The following PLAC9 variants were observed in gnomAD, a reference collection of about 807,000 sequenced individuals.
PLAC9 encodes placenta-specific protein 9.
Under a neutral mutation model 11.5 loss-of-function variants are expected in PLAC9, and 12 were observed. The observed-to-expected ratio is 1.05, with a 90% confidence interval of 0.67 to 1.69. PLAC9 has a LOEUF of 1.69. Ranked by LOEUF, PLAC9 falls within the 40% of genes most tolerant of loss-of-function variation. The pLI is 0.00. For synonymous variants in PLAC9, 62 were observed against 58.1 expected (o/e 1.07, Z -0.31); for missense variants, 132 against 130.5 (o/e 1.01, Z -0.06).
At chr10:80,143,273 G>T (rs1365400759) in intron 2 of PLAC9, among the ~76,000 whole-genome samples, 1 of 149,474 alleles carries the variant, frequency 6.7e-6, no homozygotes, top group Non-Finnish European at 1.5e-5. Flanking sequence ...CACCATGTTG[G>T]CCAGGCTAGT....
At chr10:80,132,728 G>A (rs1844926243), upstream of PLAC9, 1 of 1,439,470 alleles carries the variant, frequency 6.9e-7, no homozygotes, top group South Asian at 1.4e-5. Flanking sequence ...GCGGCTGCGG[G>A]CAGACGCGGC....
intron 2 of PLAC9, among the ~76,000 whole-genome samples, chr10:80,142,640 A>C (rs561372569): frequency 6.6e-6 from 1 of 152,282 alleles, no homozygotes; most frequent in Non-Finnish European, 1.5e-5. Flanking sequence ...CTCAACATAT[A>C]ATTTTTATCC....
intron 1 of PLAC9, among the ~76,000 whole-genome samples, chr10:80,133,074 A>T (rs1044884934): frequency 5.9e-5 from 9 of 152,190 alleles, no homozygotes; most frequent in South Asian, 2.1e-4. Context: ...GAAAAAGGAG[A>T]GGCTGAGACA....
rs375619882 is a variant in PLAC9 at position 80,135,269 on chromosome 10, G to A, written c.64+2443G>A. ...GATCTCCTGACCTTGTGATTTGCCCGCCTCGGCCTCCCAAAGTGCTGGGAT... is the reference window on the plus strand; with the variant it reads ...GATCTCCTGACCTTGTGATTTGCCCACCTCGGCCTCCCAAAGTGCTGGGAT... On this transcript the variant is annotated intron_variant, in intron 1 of 3. Coordinates refer to ENST00000372263, the MANE Select transcript of PLAC9 (RefSeq NM_001012973.3). 2.6e-4 allele frequency among the ~76,000 whole-genome samples: 39 copies of A among 147,856 alleles called. No homozygotes were observed. In the South Asian group the frequency reaches 6.2e-3, roughly 23 times the overall value.
intron 1 of PLAC9, among the ~76,000 whole-genome samples, chr10:80,140,229 A>C (rs970337953): frequency 7.9e-5 from 12 of 151,804 alleles, no homozygotes; most frequent in African/African-American, 2.7e-4. Context: ...TAAAAAAAAA[A>C]ATGACAACCA....
At chr10:80,140,201 TTG>T (rs2017265410) in intron 1 of PLAC9, among the ~76,000 whole-genome samples, 1 of 150,480 alleles carries the variant, frequency 6.6e-6, no homozygotes, top group Non-Finnish European at 1.5e-5. Context: ...GTAAGCATGA[TTG>T]TGTTTTCCAA....
intron 3 of PLAC9, among the ~76,000 whole-genome samples, chr10:80,144,581 T>C (rs373880332): frequency 1.5e-5 from 2 of 133,044 alleles, no homozygotes; most frequent in South Asian, 5.3e-4. Context: ...GAGCCGGCCC[T>C]AGATGCCATC....
chr10:80,143,413 TTTG>T (rs1290355253), intron 2 of PLAC9, among the ~76,000 whole-genome samples: 24 of 79,660 alleles, frequency 3.0e-4, no homozygotes, highest in Admixed American at 4.5e-4. Flanking sequence ...TTTTTTTTTT[TTTG>T]AGGCAGAGTC....
rs12261769 is a variant in PLAC9, at chr10:80,132,926, A to G, written c.64+100A>G. The stretch of plus-strand genomic sequence containing the variant: ...GAGAGACGGAGAGAGAGCTGGACAC[A>G]GCAGCGAGATGGACAGAGAGGCAGA... On this transcript the variant is annotated intron_variant, in intron 1 of 3. Coordinates refer to ENST00000372263, the MANE Select transcript of PLAC9 (RefSeq NM_001012973.3). The G allele has an allele frequency of 3.7e-4, 373 of 1,011,552 alleles. 2 individuals are homozygous for G. The African/African-American group carries it at 5.8e-3, about 16-fold the overall frequency. 62.7% of individuals were successfully genotyped at this position (1,011,552 alleles called of 1,614,324 possible). A position where few individuals can be genotyped will look rare whatever the true frequency, so the allele number is the denominator to read the frequency against.
intron 1 of PLAC9, among the ~76,000 whole-genome samples, chr10:80,141,543 G>A (rs957545463): frequency 2.6e-5 from 4 of 152,170 alleles, no homozygotes; most frequent in Admixed American, 2.6e-4. Flanking sequence ...AGGTTGGAGT[G>A]AGCTGAGATC....
intron 1 of PLAC9, among the ~76,000 whole-genome samples, chr10:80,134,563 C>A (rs2132332119): frequency 6.6e-6 from 1 of 152,240 alleles, no homozygotes; most frequent in African/African-American, 2.4e-5. Context: ...AATGCCTGGC[C>A]TGGCATCATG....
upstream of PLAC9, chr10:80,132,457 C>A: frequency 2.7e-6 from 1 of 368,368 alleles, no homozygotes. Context: ...AGACCTCACC[C>A]AATGCCCCCC....
At chr10:80,140,459 G>A (rs543459722) in intron 1 of PLAC9, among the ~76,000 whole-genome samples, 24 of 152,210 alleles carry the variant, frequency 1.6e-4, no homozygotes, top group Admixed American at 1.2e-3. Flanking sequence ...AGACCTCTCC[G>A]CTGCTTTCGG....
At chr10:80,135,985 C>T (rs1429519424) in intron 1 of PLAC9, among the ~76,000 whole-genome samples, 2 of 152,200 alleles carry the variant, frequency 1.3e-5, no homozygotes, top group Non-Finnish European at 2.9e-5. Context: ...AAACATTTCT[C>T]AACCCCCAGC....
intron 1 of PLAC9, among the ~76,000 whole-genome samples, chr10:80,138,973 A>G (rs1472340313): frequency 1.7e-5 from 2 of 116,654 alleles, no homozygotes; most frequent in Admixed American, 8.3e-5. Flanking sequence ...TTTTTTTGAG[A>G]CGGAGTCTAG....
rs1199592860 is a variant in PLAC9, at chr10:80,145,146, T to C, written c.*236T>C. 3.0e-6 allele frequency: 2 copies of C among 658,772 alleles called. No homozygotes were observed. Among genetic ancestry groups the C allele is most frequent in the African/African-American group, 3.7e-5 (2 of 54,494 alleles). 40.8% of individuals were successfully genotyped at this position (658,772 alleles called of 1,614,324 possible). A position where few individuals can be genotyped will look rare whatever the true frequency, so the allele number is the denominator to read the frequency against. On this transcript the variant is annotated 3_prime_UTR_variant, in exon 4 of 4. Coordinates refer to ENST00000372263, the MANE Select transcript of PLAC9 (RefSeq NM_001012973.3). ...GGCTCAGACCTGGGGACACCCCCAC[T>C]CCTGTCATTTATAGGGGCAGATGGA...
intron 3 of PLAC9, 50 bp downstream of exon 3, chr10:80,144,393 C>T: frequency 6.5e-7 from 1 of 1,528,242 alleles, no homozygotes; most frequent in Non-Finnish European, 8.8e-7. Flanking sequence ...TGTCATCTGG[C>T]GCTGGGCAGG....
At chr10:80,142,550 C>T (rs746376108) in intron 2 of PLAC9, among the ~76,000 whole-genome samples, 13 of 152,184 alleles carry the variant, frequency 8.5e-5, no homozygotes, top group Non-Finnish European at 8.8e-5. Context: ...TAAATACAAA[C>T]AGCGAGCCGT....
intron 1 of PLAC9, among the ~76,000 whole-genome samples, chr10:80,134,412 C>T (rs1239809294): frequency 6.6e-6 from 1 of 151,858 alleles, no homozygotes; most frequent in African/African-American, 2.4e-5. Flanking sequence ...TACAGGCACG[C>T]ACCACCACAC....
Sources: allele counts gnomAD v4.1 joint callset (sites outside exome capture counted in the v4.1 genomes callset), GRCh38; gene constraint gnomAD v4.1.1; transcripts MANE v1.5; gene names NCBI Gene and HGNC (gene_info 2026-07-23, HGNC 2026-07-21).